SLCO3A1: variants seen among roughly 807,000 people sequenced by gnomAD.
The protein encoded by SLCO3A1 is PGE1 transporter.
Under a neutral mutation model 63.1 loss-of-function variants are expected in SLCO3A1, and 27 were observed. That is an observed-to-expected ratio of 0.43 (90% confidence interval 0.32 to 0.59). The LOEUF is 0.59. SLCO3A1 is among the 20% of genes least tolerant of loss of function. The probability of loss-of-function intolerance (pLI) is 0.09; values close to 1 mark genes in which losing one functional copy is unlikely to be tolerated. For synonymous variants in SLCO3A1, 473 were observed against 409.9 expected (o/e 1.15, Z -1.86); for missense variants, 773 against 945.8 (o/e 0.82, Z 2.40).
chr15:92,113,915 G>A (rs542337075), intron 4 of SLCO3A1, among the ~76,000 whole-genome samples: 10 of 152,334 alleles, frequency 6.6e-5, no homozygotes, highest in East Asian at 5.8e-4. Flanking sequence ...TTCTTGAACC[G>A]CCCTGTTTGT....
chr15:92,066,439 A>G (rs1486409343), intron 2 of SLCO3A1, among the ~76,000 whole-genome samples: 1 of 152,258 alleles, frequency 6.6e-6, no homozygotes, highest in African/African-American at 2.4e-5. Flanking sequence ...ATGCTGAACA[A>G]ACAGCCACAA....
rs947162678 is a variant in SLCO3A1 at position 91,942,288 on chromosome 15, C to T, written c.646+25830C>T. Among the ~76,000 whole-genome samples, 2 of 152,192 alleles carry T rather than the reference C, an allele frequency of 1.3e-5. No homozygotes were observed. The highest frequency in any genetic ancestry group is 2.9e-5 in the Non-Finnish European group (2 of 68,032). ...CCCACAATGTCTGATCTATAGCAGG[C>T]ATTTCAGAGCCTCCAGGACTTGATT... is the stretch of plus-strand genomic sequence containing the variant. On this transcript the variant is annotated intron_variant, in intron 2 of 9. Coordinates refer to ENST00000318445, the MANE Select transcript of SLCO3A1 (RefSeq NM_013272.4). This position sits in a 1 kb window ranked among gnomAD's most constrained non-coding sequence, Gnocchi z 4.1.
intron 2 of SLCO3A1, among the ~76,000 whole-genome samples, chr15:92,009,395 G>T (rs913627982): frequency 1.3e-5 from 2 of 152,160 alleles, no homozygotes; most frequent in Non-Finnish European, 2.9e-5. Context: ...GGTGACTCAG[G>T]TTCTGAGCAG....
At chr15:92,021,492 A>G (rs2046508631) in intron 2 of SLCO3A1, among the ~76,000 whole-genome samples, 1 of 152,188 alleles carries the variant, frequency 6.6e-6, no homozygotes, top group Non-Finnish European at 1.5e-5. Flanking sequence ...ATTTTGCAAG[A>G]AGGCAGACAC....
At chr15:91,957,085 TATATATA>T (rs1401092856) in intron 2 of SLCO3A1, among the ~76,000 whole-genome samples, 17 of 444 alleles carry the variant, frequency 0.038, 1 homozygote, top group East Asian at 0.2. Context: ...TACTATATAG[TATATATA>T]ATATATATAA....
chr15:92,032,245 C>G (rs777394749), intron 2 of SLCO3A1, among the ~76,000 whole-genome samples: 2 of 152,048 alleles, frequency 1.3e-5, no homozygotes, highest in Non-Finnish European at 2.9e-5. Context: ...CATGTGCAGG[C>G]GTGTGGCAGG....
chr15:91,980,424 TA>T (rs34598127), intron 2 of SLCO3A1, among the ~76,000 whole-genome samples: 30,980 of 145,460 alleles, frequency 0.21, 3,628 homozygotes, highest in East Asian at 0.34. Flanking sequence ...TCTGAGAGTT[TA>T]AAAAAAAAAA....
At chr15:91,995,733 G>GA (rs34688452) in intron 2 of SLCO3A1, among the ~76,000 whole-genome samples, 16,351 of 79,584 alleles carry the variant, frequency 0.21, 1,660 homozygotes, top group East Asian at 0.46. Context: ...AGATTTTCTT[G>GA]AAAAAAAAAA....
intron 2 of SLCO3A1, among the ~76,000 whole-genome samples, chr15:91,920,578 C>T (rs1192246086): frequency 6.6e-6 from 1 of 152,158 alleles, no homozygotes; most frequent in African/African-American, 2.4e-5. Context: ...CAAATCAGAC[C>T]TTAGACATCT....
At position 91,856,998 on chromosome 15, in the gene SLCO3A1, G is replaced by A. The variant is rs1043506192; in HGVS notation, c.180+2910G>A. Among the ~76,000 whole-genome samples the A allele has an allele frequency of 2.0e-5, 3 of 151,678 alleles. No homozygotes were observed. Among genetic ancestry groups the A allele is most frequent in the Non-Finnish European group, 4.4e-5 (3 of 67,932 alleles). On this transcript the variant is annotated intron_variant, in intron 1 of 9. Transcript: ENST00000318445. The surrounding 1 kb of genome is among the most constrained non-coding windows in gnomAD (Gnocchi z 4.9). ...AGAACTGAAGCAGAAGGTTGCCTGT[G>A]ATTTAAGAAGCAACTTTGAGAAGGA...
intron 2 of SLCO3A1, among the ~76,000 whole-genome samples, chr15:92,063,244 A>C (rs1000062393): frequency 3.9e-5 from 6 of 152,222 alleles, no homozygotes; most frequent in Admixed American, 2.6e-4. Flanking sequence ...TTAATGTGAC[A>C]GATGCTGATC....
intron 2 of SLCO3A1, among the ~76,000 whole-genome samples, chr15:91,923,202 G>A (rs1597124025): frequency 6.6e-6 from 1 of 152,240 alleles, no homozygotes; most frequent in East Asian, 1.9e-4. Flanking sequence ...TACACGGTGG[G>A]GATCAGTAAA....
intron 4 of SLCO3A1, among the ~76,000 whole-genome samples, chr15:92,113,574 C>G (rs979403531): frequency 1.3e-5 from 2 of 152,186 alleles, no homozygotes; most frequent in South Asian, 2.1e-4. Flanking sequence ...CTCAAACTTG[C>G]AAAGAGAAGG....
chr15:92,096,138 C>T (rs1395077566), intron 3 of SLCO3A1, among the ~76,000 whole-genome samples: 1 of 152,130 alleles, frequency 6.6e-6, no homozygotes, highest in African/African-American at 2.4e-5. Context: ...AAGGTGGCAA[C>T]CTGGTCTTGG....
chr15:92,086,265 T>G (rs2047402867), intron 2 of SLCO3A1, among the ~76,000 whole-genome samples: 1 of 152,204 alleles, frequency 6.6e-6, no homozygotes, highest in Non-Finnish European at 1.5e-5. Context: ...TAGGAGAGCT[T>G]CAGATCCTTG....
intron 2 of SLCO3A1, among the ~76,000 whole-genome samples, chr15:92,073,758 C>T (rs962276825): frequency 6.6e-6 from 1 of 152,236 alleles, no homozygotes; most frequent in African/African-American, 2.4e-5. Context: ...GGCCTTTACT[C>T]ACCAGATGCC....
At chr15:91,972,622 G>T (rs1900920534) in intron 2 of SLCO3A1, among the ~76,000 whole-genome samples, 1 of 152,184 alleles carries the variant, frequency 6.6e-6, no homozygotes, top group South Asian at 2.1e-4. Context: ...TGAGGCTCAA[G>T]GCACCAGGGA....
At chr15:92,116,109 C>T (rs2047792021) in intron 4 of SLCO3A1, among the ~76,000 whole-genome samples, 1 of 152,132 alleles carries the variant, frequency 6.6e-6, no homozygotes, top group African/African-American at 2.4e-5. Context: ...CCTCTCTCTG[C>T]CTCAGCTTTT....
At chr15:91,988,429 T>C (rs1247673359) in intron 2 of SLCO3A1, among the ~76,000 whole-genome samples, 1 of 152,082 alleles carries the variant, frequency 6.6e-6, no homozygotes, top group Non-Finnish European at 1.5e-5. Context: ...AAAATAAAAC[T>C]AATTTTATTT....
Sources: allele counts gnomAD v4.1 joint callset (sites outside exome capture counted in the v4.1 genomes callset), GRCh38; gene constraint gnomAD v4.1.1; non-coding constraint Gnocchi (gnomAD v3.1); transcripts MANE v1.5; gene names NCBI Gene and HGNC (gene_info 2026-07-23, HGNC 2026-07-21).